Variants in SEL1L2 observed in about 807,000 individuals in gnomAD.
The protein encoded by SEL1L2 is protein sel-1 homolog 2.
In SEL1L2, 89 loss-of-function variants were observed where a neutral mutation model predicts 98.8. The ratio of observed to expected loss-of-function variants is 0.90; its 90% confidence interval spans 0.76 to 1.07. SEL1L2 has a LOEUF of 1.07. Ranked by LOEUF, SEL1L2 falls within the 50% of genes least tolerant of loss-of-function variation. The pLI is 0.00. For missense variants in SEL1L2, 788 were observed against 812.0 expected (o/e 0.97, Z 0.36); for synonymous variants, 262 against 278.5 (o/e 0.94, Z 0.59).
chr20:13,868,906 G>GT (rs1264557104), intron 14 of SEL1L2, among the ~76,000 whole-genome samples: 1 of 151,890 alleles, frequency 6.6e-6, no homozygotes, highest in Non-Finnish European at 1.5e-5. Flanking sequence ...CCTCTTACTT[G>GT]TTTTTTAAAC....
At chr20:13,976,545 C>CGTGT (rs2051548578) in intron 1 of SEL1L2, among the ~76,000 whole-genome samples, 1 of 152,018 alleles carries the variant, frequency 6.6e-6, no homozygotes, top group African/African-American at 2.4e-5. Context: ...AAATAAAATA[C>CGTGT]GTGTGTAGCT....
At chr20:13,869,384 G>T in intron 14 of SEL1L2, 119 bp downstream of exon 14, 2 of 716,572 alleles carry the variant, frequency 2.8e-6, no homozygotes, top group Non-Finnish European at 2.4e-6. Flanking sequence ...TATTTAATTT[G>T]TTGCCTAAAT....
chr20:13,895,080 C>A (rs1234988398), intron 5 of SEL1L2, among the ~76,000 whole-genome samples: 1 of 152,064 alleles, frequency 6.6e-6, no homozygotes, highest in Non-Finnish European at 1.5e-5. Flanking sequence ...GAATTCATGG[C>A]ACATTAAAAG....
intron 2 of SEL1L2, among the ~76,000 whole-genome samples, chr20:13,946,573 G>A (rs1047715812): frequency 2.6e-5 from 4 of 152,258 alleles, no homozygotes; most frequent in African/African-American, 7.2e-5. Flanking sequence ...GGGGAAGCAC[G>A]CTTAGGGCTG....
intron 1 of SEL1L2, among the ~76,000 whole-genome samples, chr20:13,984,272 A>G (rs2052029752): frequency 6.6e-6 from 1 of 152,164 alleles, no homozygotes; most frequent in Non-Finnish European, 1.5e-5. Context: ...TTGGCCTCCC[A>G]AAGTGCTGGG....
intron 18 of SEL1L2, among the ~76,000 whole-genome samples, chr20:13,855,377 A>G (rs891014259): frequency 3.3e-5 from 5 of 151,106 alleles, no homozygotes; most frequent in African/African-American, 9.7e-5. Flanking sequence ...TTTTATTTGT[A>G]TGTTTGCTTG....
At chr20:13,865,831 CTG>C (rs11467978) in intron 15 of SEL1L2, among the ~76,000 whole-genome samples, 35,346 of 149,726 alleles carry the variant, frequency 0.24, 4,268 homozygotes, top group Non-Finnish European at 0.27. Flanking sequence ...GTGTGTGTGT[CTG>C]TGTGTGTGTG....
intron 18 of SEL1L2, among the ~76,000 whole-genome samples, chr20:13,853,913 C>A (rs932378399): frequency 6.6e-6 from 1 of 152,158 alleles, no homozygotes; most frequent in Non-Finnish European, 1.5e-5. Flanking sequence ...TATACACACA[C>A]AAAATACTGT....
At chr20:13,977,809 A>G (rs1186365711) in intron 1 of SEL1L2, among the ~76,000 whole-genome samples, 1 of 152,204 alleles carries the variant, frequency 6.6e-6, no homozygotes. Context: ...GAAACCTTTT[A>G]GATCTGTATA....
chr20:13,973,410 A>C (rs559381886), intron 1 of SEL1L2: 1 of 152,350 alleles, frequency 6.6e-6, no homozygotes, highest in Admixed American at 6.5e-5. Flanking sequence ...ATATGTAAGC[A>C]CTGCTGAGTC....
At position 13,869,551 on chromosome 20, in the gene SEL1L2, C is replaced by G. The variant is rs747921740; in HGVS notation, c.1207G>C (p.Glu403Gln). The change falls in exon 14 of 20, where the codon GAA becomes CAA. Residue 403 changes from glutamate (E) to glutamine (Q), a missense_variant. Coordinates refer to ENST00000284951, the MANE Select transcript of SEL1L2 (RefSeq NM_025229.2). ...AACTGTGCGTCGGGCCACCCTTTTT[C>G]CGCAGCTTTCTGAAAGTATTTAAGT... ...EALKYFQKAA[E>Q]KGWPDAQFQL... 3 of 1,614,132 alleles carry G rather than the reference C, an allele frequency of 1.9e-6. No individual in the cohort carries two copies. The Admixed American group carries it at 5.0e-5, about 27-fold the overall frequency.
At chr20:13,857,696 A>G (rs1367900485) in intron 18 of SEL1L2, among the ~76,000 whole-genome samples, 1 of 152,228 alleles carries the variant, frequency 6.6e-6, no homozygotes, top group African/African-American at 2.4e-5. Context: ...TTCTATAGAC[A>G]GTGCTTCTCC....
intron 5 of SEL1L2, among the ~76,000 whole-genome samples, chr20:13,907,574 T>C (rs1568943982): frequency 6.6e-6 from 1 of 151,980 alleles, no homozygotes; most frequent in Non-Finnish European, 1.5e-5. Flanking sequence ...ATCTCAGAAA[T>C]AAATAAACCC....
At chr20:13,982,508 CAAA>C (rs10713892) in intron 1 of SEL1L2, among the ~76,000 whole-genome samples, 5 of 67,672 alleles carry the variant, frequency 7.4e-5, no homozygotes, top group African/African-American at 1.8e-4. Flanking sequence ...GAGACTCTGC[CAAA>C]AAAAAAAAAA....
chr20:13,863,968 CAAAAAA>C (rs11476600), intron 17 of SEL1L2, among the ~76,000 whole-genome samples: 10 of 87,980 alleles, frequency 1.1e-4, no homozygotes, highest in Non-Finnish European at 1.4e-4. Flanking sequence ...GACTCCATCT[CAAAAAA>C]AAAAAAAAAG....
At chr20:13,961,208 C>G (rs1186237682) in intron 1 of SEL1L2, among the ~76,000 whole-genome samples, 1 of 152,178 alleles carries the variant, frequency 6.6e-6, no homozygotes, top group African/African-American at 2.4e-5. Flanking sequence ...ATTGCCACTT[C>G]AAACCTTACC....
At chr20:13,923,020 G>A (rs74713817) in intron 3 of SEL1L2, among the ~76,000 whole-genome samples, 5,868 of 152,178 alleles carry the variant, frequency 0.039, 157 homozygotes, top group Middle Eastern at 0.058. Flanking sequence ...GTTACATCCC[G>A]AGTCTGTTAG....
chr20:13,930,530 G>T (rs2049099547), intron 3 of SEL1L2, among the ~76,000 whole-genome samples: 1 of 152,132 alleles, frequency 6.6e-6, no homozygotes, highest in Non-Finnish European at 1.5e-5. Flanking sequence ...TGTGCTATTT[G>T]TTTCCTGCCA....
chr20:13,991,376 C>T (rs562446578), upstream of SEL1L2, among the ~76,000 whole-genome samples: 11 of 152,258 alleles, frequency 7.2e-5, no homozygotes, highest in African/African-American at 2.2e-4. Context: ...TTACCACAAA[C>T]GTAATGGGTT....
Sources: allele counts gnomAD v4.1 joint callset (sites outside exome capture counted in the v4.1 genomes callset), GRCh38; gene constraint gnomAD v4.1.1; transcripts MANE v1.5; gene names NCBI Gene and HGNC (gene_info 2026-07-23, HGNC 2026-07-21).